Variants in RCC2 observed in about 807,000 individuals in gnomAD.
RCC2 encodes the protein regulator of chromosome condensation 2.
In RCC2, 19 loss-of-function variants were observed where a neutral mutation model predicts 64.1. The observed-to-expected ratio is 0.30, with a 90% confidence interval of 0.21 to 0.44. The LOEUF (loss-of-function observed/expected upper bound fraction) is 0.44, where lower values mean the gene tolerates loss of function less well. Ranked by LOEUF, RCC2 falls within the 20% of genes least tolerant of loss-of-function variation. The pLI is 1.00. For missense variants in RCC2, 508 were observed against 710.4 expected, an observed-to-expected ratio of 0.72 and a Z score of 3.24; for synonymous variants, 325 against 279.6, an observed-to-expected ratio of 1.16 and a Z score of -1.62.
At chr1:17,419,523 A>T (rs1020471748) in intron 7 of RCC2, among the ~76,000 whole-genome samples, 1 of 152,254 alleles carries the variant, frequency 6.6e-6, no homozygotes, top group African/African-American at 2.4e-5. Context: ...AAAGCAAGTA[A>T]TACGCTGAGA....
intron 2 of RCC2, 94 bp downstream of exon 2, chr1:17,438,136 G>A: frequency 3.2e-6 from 3 of 951,960 alleles, no homozygotes; most frequent in Non-Finnish European, 3.9e-6. Flanking sequence ...AGCGTGACGC[G>A]AGGCGGCCCC....
chr1:17,412,980 CAG>C (rs2075443257), intron 10 of RCC2, 91 bp downstream of exon 10: 1 of 886,114 alleles, frequency 1.1e-6, no homozygotes, highest in East Asian at 2.6e-5. Flanking sequence ...GCAGCAGAAA[CAG>C]AGCCCCATCA....
At chr1:17,412,758 G>A (rs370228124) in intron 10 of RCC2, among the ~76,000 whole-genome samples, 4 of 152,218 alleles carry the variant, frequency 2.6e-5, no homozygotes, top group African/African-American at 4.8e-5. Context: ...GTCCTGCTAC[G>A]TTTCCAACTA....
intron 7 of RCC2, among the ~76,000 whole-genome samples, chr1:17,420,366 C>T (rs998978394): frequency 6.6e-6 from 1 of 152,182 alleles, no homozygotes; most frequent in Non-Finnish European, 1.5e-5. Context: ...GTAATTTTCT[C>T]ATTTTCAATA....
intron 11 of RCC2, among the ~76,000 whole-genome samples, chr1:17,411,613 C>G (rs2075427224): frequency 6.6e-6 from 1 of 151,376 alleles, no homozygotes; most frequent in African/African-American, 2.4e-5. Flanking sequence ...CACCTAGCAC[C>G]AGGATCTAAG....
chr1:17,408,789 TAAAAA>T lies in RCC2; in HGVS notation c.*296_*300del, dbSNP rs56926341. ...TCAGGAGAGGAAGAAAGAAAAAACT[TAAAAA>T]AAAAAAAAACCTAGATTGCTCAAAG... On this transcript the variant is annotated 3_prime_UTR_variant, in exon 13 of 13. Transcript: ENST00000375436. 3.9e-6 allele frequency: 1 copy of T among 256,968 alleles called. No individual in the cohort carries two copies. The highest frequency in any genetic ancestry group is 7.2e-6 in the Non-Finnish European group (1 of 138,636). 15.9% of individuals were successfully genotyped at this position (256,968 alleles called of 1,614,324 possible). A position where few individuals can be genotyped will look rare whatever the true frequency, so the allele number is the denominator to read the frequency against.
At position 17,409,063 on chromosome 1, in the gene RCC2, G is replaced by A; in HGVS notation, c.*27C>T. ...GGAAATGACAGCTGCCGCGAGAGGT[G>A]TGGAGTCGGAGGAGTCTCCGGGAGC... On this transcript the variant is annotated 3_prime_UTR_variant, in exon 13 of 13. Transcript: ENST00000375436. The A allele has an allele frequency of 6.8e-7, 1 of 1,472,586 alleles. No homozygotes were observed. 91.2% of individuals were successfully genotyped at this position (1,472,586 alleles called of 1,614,324 possible).
intron 4 of RCC2, among the ~76,000 whole-genome samples, chr1:17,424,331 G>A (rs901610200): frequency 9.9e-5 from 15 of 152,208 alleles, no homozygotes; most frequent in Admixed American, 2.6e-4. Flanking sequence ...TCAGAACTGA[G>A]GGCGCTTTCA....
At chr1:17,412,610 C>A (rs1052770987) in intron 10 of RCC2, among the ~76,000 whole-genome samples, 1 of 152,216 alleles carries the variant, frequency 6.6e-6, no homozygotes, top group African/African-American at 2.4e-5. Context: ...GCCCCTCATA[C>A]TGTTCCACCC....
chr1:17,429,057 C>T (rs2075647582), intron 3 of RCC2, 49 bp downstream of exon 3: 1 of 1,429,056 alleles, frequency 7.0e-7, no homozygotes, highest in Non-Finnish European at 9.9e-7. Context: ...TCAACAGAAC[C>T]TAGCACTTAA....
chr1:17,423,632 G>T (rs1027417835), intron 4 of RCC2, among the ~76,000 whole-genome samples: 1 of 152,230 alleles, frequency 6.6e-6, no homozygotes, highest in Non-Finnish European at 1.5e-5. Context: ...CCCCTACACC[G>T]CATCTAGGTT....
intron 9 of RCC2, 102 bp downstream of exon 9, chr1:17,413,435 C>A: frequency 1.6e-6 from 2 of 1,233,130 alleles, no homozygotes; most frequent in Non-Finnish European, 2.3e-6. Flanking sequence ...ATAAAGAACA[C>A]TGGGAGGTAA....
chr1:17,414,512 G>A (rs1375641789), intron 8 of RCC2, among the ~76,000 whole-genome samples: 13 of 145,636 alleles, frequency 8.9e-5, no homozygotes, highest in South Asian at 4.4e-4. Context: ...CCTGGGTGAC[G>A]GAATGAGACT....
chr1:17,431,348 A>T (rs1206229496), intron 2 of RCC2, among the ~76,000 whole-genome samples: 1 of 84,738 alleles, frequency 1.2e-5, no homozygotes, highest in Non-Finnish European at 2.3e-5. Flanking sequence ...AAAAAAAAAA[A>T]AAAAAAAAAA....
In RCC2 at chr1:17,421,195, T is replaced by C. The variant is rs1321088890; in HGVS notation, c.745-367A>G. ...ATAAATCTCACCCCTCCAACTCAAG[T>C]TTCTTAGAAAAAAAAAGACTGCCTA... On this transcript the variant is annotated intron_variant, in intron 6 of 12. Transcript: ENST00000375436. 2.0e-5 allele frequency among the ~76,000 whole-genome samples: 3 copies of C among 152,014 alleles called. No homozygotes were observed. The East Asian group carries it at 5.8e-4, about 29-fold the overall frequency.
In RCC2 at chr1:17,413,600, G is replaced by C; in HGVS notation, c.1144C>G (p.Pro382Ala). The C allele has an allele frequency of 6.2e-7, 1 of 1,614,178 alleles. No individual in the cohort carries two copies. Among genetic ancestry groups the C allele is most frequent in the Non-Finnish European group, 8.5e-7 (1 of 1,180,010 alleles). Residue 382 changes from proline (P) to alanine (A), a missense_variant, in exon 9 of 13, where the codon CCT (proline) becomes GCT (alanine). Coordinates refer to ENST00000375436, the MANE Select transcript of RCC2 (RefSeq NM_018715.4). ...VPRLVKLFDFPGRGASQIYAG... is the reference protein window; with the variant it reads ...VPRLVKLFDFAGRGASQIYAG... ...TAGATCTGGGAAGCCCCACGCCCAG[G>C]GAAGTCAAACAGCTTCACCAGGCGG...
intron 10 of RCC2, among the ~76,000 whole-genome samples, chr1:17,412,593 G>A (rs1449866058): frequency 1.3e-5 from 2 of 152,146 alleles, no homozygotes; most frequent in Admixed American, 6.5e-5. Context: ...AAGCCACGCC[G>A]ACAGAGGCCC....
chr1:17,421,981 C>T (rs1039182523), intron 6 of RCC2, among the ~76,000 whole-genome samples: 17 of 152,124 alleles, frequency 1.1e-4, no homozygotes, highest in East Asian at 7.7e-4. Context: ...GCCGAGATTG[C>T]GCCATTGCAC....
In RCC2 at chr1:17,408,815, C is replaced by A; in HGVS notation, c.*275G>T. Reference sequence around the variant, plus strand: ...AAAAAAAAAAAAAACCTAGATTGCTCAAAGTTTCTGCCTCTTTTGTAGGAA... The same window carrying A: ...AAAAAAAAAAAAAACCTAGATTGCTAAAAGTTTCTGCCTCTTTTGTAGGAA... On this transcript the variant is annotated 3_prime_UTR_variant, in exon 13 of 13. Transcript: ENST00000375436. 8.2e-6 allele frequency: 3 copies of A among 367,046 alleles called. No individual in the cohort carries two copies. Among genetic ancestry groups the A allele is most frequent in the South Asian group, 6.3e-5 (1 of 15,894 alleles). The allele number at this position is 367,046 out of a possible 1,614,324, so 22.7% of individuals were successfully genotyped here.
Sources: gnomAD v4.1 joint callset for allele counts (sites outside exome capture counted in the v4.1 genomes callset) on GRCh38, gnomAD v4.1.1 for gene constraint, MANE v1.5 for transcripts, NCBI Gene and HGNC (gene_info 2026-07-23, HGNC 2026-07-21) for gene names.